Variants in KRABD5 observed in about 807,000 individuals in gnomAD.
KRABD5 encodes KRAB domain-containing protein 5.
At chr16:31,735,421 A>G in the KRABD5 span, among the ~76,000 whole-genome samples, 1 of 152,156 alleles carries the variant, frequency 6.6e-6, no homozygotes, top group East Asian at 1.9e-4. Flanking sequence ...TCTTTTGGAT[A>G]TATACCCAAT....
At chr16:31,754,877 T>C in the KRABD5 span, 2 of 463,000 alleles carry the variant, frequency 4.3e-6, no homozygotes, top group South Asian at 1.6e-5. Context: ...AGAGAAACCA[T>C]ACAAATGTAA....
At chr16:31,752,843 G>A in the KRABD5 span, among the ~76,000 whole-genome samples, 1 of 152,132 alleles carries the variant, frequency 6.6e-6, no homozygotes, top group Admixed American at 6.6e-5. Context: ...TGGTGACAGT[G>A]CAAGACCTTG....
chr16:31,755,966 T>C, the KRABD5 span: 3 of 164,080 alleles, frequency 1.8e-5, no homozygotes, highest in African/African-American at 7.2e-5. Context: ...TTGTTATGTG[T>C]TTCAAATGAG....
chr16:31,750,872 G>A, the KRABD5 span, among the ~76,000 whole-genome samples: 986 of 152,202 alleles, frequency 6.5e-3, 9 homozygotes, highest in African/African-American at 0.023. Context: ...TTATTCTCAT[G>A]CCTCAGTCGC....
chr16:31,752,691 C>A, the KRABD5 span, among the ~76,000 whole-genome samples: 9 of 151,948 alleles, frequency 5.9e-5, no homozygotes, highest in Admixed American at 5.9e-4. Flanking sequence ...CCTAGCAAGA[C>A]CCTGGTTGTA....
At chr16:31,723,669 G>A in the KRABD5 span, among the ~76,000 whole-genome samples, 1 of 152,206 alleles carries the variant, frequency 6.6e-6, no homozygotes, top group Non-Finnish European at 1.5e-5. Flanking sequence ...GAAAGTCTGT[G>A]CATGTTTCTA....
chr16:31,757,920 A>AGGATGGAT, the KRABD5 span: 143 of 152,052 alleles, frequency 9.4e-4, no homozygotes, highest in African/African-American at 3.3e-3. Flanking sequence ...GATATCTGGA[A>AGGATGGAT]GGATGGATGG....
the KRABD5 span, chr16:31,713,625 G>A: frequency 1.5e-5 from 11 of 758,576 alleles, no homozygotes; most frequent in East Asian, 2.7e-4. Context: ...GTCCCCTCCC[G>A]ACCCCGCAGA....
At chr16:31,754,463 C>G in the KRABD5 span, 1 of 649,178 alleles carries the variant, frequency 1.5e-6, no homozygotes, top group East Asian at 2.9e-5. Context: ...AGAGAAAAAT[C>G]AGTACAATAA....
chr16:31,757,861 GA>G, the KRABD5 span: 1 of 150,618 alleles, frequency 6.6e-6, no homozygotes, highest in East Asian at 2.0e-4. Flanking sequence ...TAGATAGATA[GA>G]TAGATAGATA....
At chr16:31,756,482 A>T in the KRABD5 span, 1 of 151,264 alleles carries the variant, frequency 6.6e-6, no homozygotes, top group Admixed American at 6.6e-5. Context: ...AAACATCTTC[A>T]CAGATATCAG....
the KRABD5 span, among the ~76,000 whole-genome samples, chr16:31,714,061 A>T: frequency 6.6e-6 from 1 of 152,224 alleles, no homozygotes; most frequent in Non-Finnish European, 1.5e-5. Flanking sequence ...CATTCATTAA[A>T]ATATCAGGTC....
At chr16:31,727,407 G>A in the KRABD5 span, among the ~76,000 whole-genome samples, 1 of 152,198 alleles carries the variant, frequency 6.6e-6, no homozygotes, top group Non-Finnish European at 1.5e-5. Context: ...TATTGAGCTG[G>A]CAGTGTTGCA....
chr16:31,742,197 A>AG, the KRABD5 span, among the ~76,000 whole-genome samples: 1 of 150,956 alleles, frequency 6.6e-6, no homozygotes, highest in Middle Eastern at 3.4e-3. Context: ...TTTCCTCAAA[A>AG]AAAAAAAAGA....
chr16:31,719,659 C>G, the KRABD5 span, among the ~76,000 whole-genome samples: 1 of 152,220 alleles, frequency 6.6e-6, no homozygotes, highest in African/African-American at 2.4e-5. Flanking sequence ...CCTCACAGAA[C>G]TGTTTGTTGG....
At chr16:31,749,827 T>C in the KRABD5 span, among the ~76,000 whole-genome samples, 1 of 152,204 alleles carries the variant, frequency 6.6e-6, no homozygotes, top group Non-Finnish European at 1.5e-5. Context: ...ATTCACACAC[T>C]TATTATTGTT....
chr16:31,716,209 A>C, the KRABD5 span, among the ~76,000 whole-genome samples: 5 of 152,178 alleles, frequency 3.3e-5, no homozygotes, highest in East Asian at 9.7e-4. Context: ...TCCCTCCATC[A>C]ACCTAGGCTT....
chr16:31,735,578 G>T, the KRABD5 span, among the ~76,000 whole-genome samples: 8 of 151,944 alleles, frequency 5.3e-5, no homozygotes, highest in Non-Finnish European at 1.5e-5. Context: ...ACTTGTTTTA[G>T]TTATATTTTT....
At chr16:31,714,461 A>G in the KRABD5 span, 1 of 455,114 alleles carries the variant, frequency 2.2e-6, no homozygotes, top group Non-Finnish European at 4.4e-6. Flanking sequence ...GTGCCAGGAG[A>G]GTGGAGGAAG....
Sources: allele counts gnomAD v4.1 joint callset (sites outside exome capture counted in the v4.1 genomes callset), GRCh38; gene constraint gnomAD v4.1.1; transcripts MANE v1.5; gene names NCBI Gene and HGNC (gene_info 2026-07-23, HGNC 2026-07-21).